The following FRMD4A variants were observed in gnomAD, a reference collection of about 807,000 sequenced individuals.
FRMD4A encodes FERM domain containing 4A, also known as FERM domain-containing protein 4A.
FRMD4A carries 29 observed loss-of-function variants against 129.1 expected under a neutral mutation model. That is an observed-to-expected ratio of 0.22 (90% CI 0.17 to 0.31). The LOEUF (loss-of-function observed/expected upper bound fraction) is 0.31, where lower values mean the gene tolerates loss of function less well. Ranked by LOEUF, FRMD4A falls within the 10% of genes least tolerant of loss-of-function variation. The pLI is 1.00. For missense variants in FRMD4A, 1,272 were observed against 1,375.8 expected (o/e 0.92, Z 1.19); for synonymous variants, 634 against 571.6 (o/e 1.11, Z -1.56).
intron 2 of FRMD4A, among the ~76,000 whole-genome samples, chr10:13,861,457 C>G (rs931566540): frequency 9.9e-5 from 15 of 152,192 alleles, no homozygotes; most frequent in Admixed American, 1.3e-4. Flanking sequence ...GTCCTGCTTA[C>G]ATGGGGGCTA....
At chr10:13,810,244 T>G (rs1454255031) in intron 4 of FRMD4A, among the ~76,000 whole-genome samples, 1 of 152,206 alleles carries the variant, frequency 6.6e-6, no homozygotes, top group Non-Finnish European at 1.5e-5. Context: ...AAAATGGAAA[T>G]TTTAGTAAAG....
intron 14 of FRMD4A, among the ~76,000 whole-genome samples, chr10:13,699,790 C>T (rs2086627896): frequency 6.6e-6 from 1 of 152,116 alleles, no homozygotes; most frequent in Non-Finnish European, 1.5e-5. Flanking sequence ...ACCCTGACAC[C>T]CACCCACTGT....
rs1343718945 is a variant in FRMD4A, at chr10:13,656,833, G to T, written c.2756C>A (p.Ala919Glu). The T allele has an allele frequency of 6.5e-7, 1 of 1,543,338 alleles. No individual in the cohort carries two copies. ...LGREGAHDKG[A>E]GRAAVSDELR... The stretch of plus-strand genomic sequence containing the variant: ...CTCGTCTGAGACGGCGGCACGGCCC[G>T]CGCCCTTGTCGTGGGCGCCCTCGCG... The change falls in exon 22 of 25, where the codon GCG becomes GAG. Residue 919 changes from alanine to glutamate, a missense_variant. Ala to Glu is a moderately radical substitution (Grantham distance 107). Coordinates refer to ENST00000357447, the MANE Select transcript of FRMD4A (RefSeq NM_018027.5).
intron 2 of FRMD4A, among the ~76,000 whole-genome samples, chr10:14,136,282 A>G (rs771640253): frequency 1.3e-5 from 2 of 152,200 alleles, no homozygotes; most frequent in Non-Finnish European, 2.9e-5. Flanking sequence ...AAATATGACA[A>G]CTACAAAGAT....
intron 2 of FRMD4A, among the ~76,000 whole-genome samples, chr10:13,901,566 G>T (rs1267431731): frequency 6.7e-6 from 1 of 148,274 alleles, no homozygotes; most frequent in African/African-American, 2.5e-5. Context: ...CTGAGATCAT[G>T]CCACTGCACT....
At chr10:13,735,740 C>T (rs1489864704) in intron 12 of FRMD4A, among the ~76,000 whole-genome samples, 1 of 152,208 alleles carries the variant, frequency 6.6e-6, no homozygotes, top group African/African-American at 2.4e-5. Flanking sequence ...GCATGTCGGC[C>T]TTGGTCTTCC....
At chr10:13,820,911 C>T (rs1207778415) in intron 3 of FRMD4A, among the ~76,000 whole-genome samples, 2 of 152,220 alleles carry the variant, frequency 1.3e-5, no homozygotes, top group African/African-American at 2.4e-5. Context: ...AAACGTGGCC[C>T]GTCTGCCCCC....
chr10:14,212,068 G>GC (rs749044327), intron 2 of FRMD4A, among the ~76,000 whole-genome samples: 25 of 152,146 alleles, frequency 1.6e-4, no homozygotes, highest in Admixed American at 2.0e-4. Flanking sequence ...CTTTGTTGGG[G>GC]CTGCAGAAAA....
intron 2 of FRMD4A, among the ~76,000 whole-genome samples, chr10:14,137,748 G>C (rs1839617412): frequency 6.6e-6 from 1 of 152,156 alleles, no homozygotes; most frequent in Non-Finnish European, 1.5e-5. Flanking sequence ...TTTCCCACCT[G>C]TTAATATGCA....
chr10:14,007,985 G>A (rs375265087), intron 2 of FRMD4A: 9 of 1,274,144 alleles, frequency 7.1e-6, no homozygotes, highest in East Asian at 5.8e-5. Context: ...CAGAAGTAAC[G>A]CGGTATACAA....
intron 2 of FRMD4A, among the ~76,000 whole-genome samples, chr10:14,146,311 C>A (rs939110294): frequency 6.6e-6 from 1 of 152,178 alleles, no homozygotes; most frequent in Non-Finnish European, 1.5e-5. Context: ...TCCTACAAGA[C>A]GTGGAAAATA....
intron 2 of FRMD4A, among the ~76,000 whole-genome samples, chr10:14,206,820 A>AAAG (rs1429238276): frequency 7.9e-6 from 1 of 127,384 alleles, no homozygotes; most frequent in Non-Finnish European, 1.7e-5. Context: ...AAAAAAAAAA[A>AAAG]AGAGAGACAG....
chr10:14,167,092 T>A (rs1841221549), intron 2 of FRMD4A, among the ~76,000 whole-genome samples: 1 of 152,180 alleles, frequency 6.6e-6, no homozygotes, highest in East Asian at 1.9e-4. Flanking sequence ...AAGAGAATAA[T>A]TAGAATGTTC....
intron 6 of FRMD4A, among the ~76,000 whole-genome samples, chr10:13,774,644 G>T (rs1213033696): frequency 6.6e-6 from 1 of 152,160 alleles, no homozygotes; most frequent in Non-Finnish European, 1.5e-5. Flanking sequence ...CCCAGGGAAA[G>T]AACCAGCTTG....
At chr10:13,783,580 C>A (rs569633931) in intron 5 of FRMD4A, among the ~76,000 whole-genome samples, 1 of 151,388 alleles carries the variant, frequency 6.6e-6, no homozygotes, top group Non-Finnish European at 1.5e-5. Flanking sequence ...CGGAGTCTTC[C>A]TTTGTTGCTC....
intron 12 of FRMD4A, among the ~76,000 whole-genome samples, chr10:13,719,286 G>C (rs1249903467): frequency 6.6e-6 from 1 of 152,188 alleles, no homozygotes; most frequent in Non-Finnish European, 1.5e-5. Flanking sequence ...CCTTCTTTCT[G>C]GCAGCTCTGT....
At chr10:13,972,314 A>G in intron 2 of FRMD4A, 1 of 986,798 alleles carries the variant, frequency 1.0e-6, no homozygotes, top group Non-Finnish European at 1.2e-6. Flanking sequence ...TGGAGAACCC[A>G]TGAGTTTCCA....
intron 2 of FRMD4A, among the ~76,000 whole-genome samples, chr10:13,872,993 C>T (rs572646216): frequency 1.3e-5 from 2 of 151,768 alleles, no homozygotes; most frequent in South Asian, 2.1e-4. Context: ...CCAGCCAACA[C>T]GGTGAAACGT....
chr10:14,147,114 A>G (rs1194202730), intron 2 of FRMD4A, among the ~76,000 whole-genome samples: 1 of 152,222 alleles, frequency 6.6e-6, no homozygotes, highest in African/African-American at 2.4e-5. Flanking sequence ...CAGATTTGGT[A>G]GCCTAGGGCA....
Sources: allele counts gnomAD v4.1 joint callset (sites outside exome capture counted in the v4.1 genomes callset), GRCh38; gene constraint gnomAD v4.1.1; transcripts MANE v1.5; gene names NCBI Gene and HGNC (gene_info 2026-07-23, HGNC 2026-07-21).